Variants in GRIK1 observed in about 807,000 individuals in gnomAD.
GRIK1 encodes glutamate ionotropic receptor kainate type subunit 1.
In GRIK1, 69 loss-of-function variants were observed where a neutral mutation model predicts 105.7. That is an observed-to-expected ratio of 0.65 (90% CI 0.54 to 0.80). The LOEUF (loss-of-function observed/expected upper bound fraction) is 0.80, where lower values mean the gene tolerates loss of function less well. Ranked by LOEUF, GRIK1 falls within the 30% of genes least tolerant of loss-of-function variation. The pLI, the probability that GRIK1 is intolerant of heterozygous loss-of-function variation, is 0.00. For synonymous variants in GRIK1, 438 were observed against 431.3 expected (o/e 1.02, Z -0.19); for missense variants, 1,109 against 1,167.3 (o/e 0.95, Z 0.73).
At chr21:29,725,936 G>T (rs1304381658) in intron 1 of GRIK1, among the ~76,000 whole-genome samples, 2 of 152,130 alleles carry the variant, frequency 1.3e-5, no homozygotes, top group African/African-American at 4.8e-5. Context: ...GTTCCCAAAG[G>T]TATCTTACAA....
intron 7 of GRIK1, among the ~76,000 whole-genome samples, chr21:29,623,150 A>G (rs2062044713): frequency 6.6e-6 from 1 of 152,216 alleles, no homozygotes; most frequent in Non-Finnish European, 1.5e-5. Flanking sequence ...AAGCCTCACA[A>G]TCATGGCAGA....
chr21:29,537,619 A>G lies in GRIK1; in HGVS notation c.2694+179T>C, dbSNP rs1371042192. The G allele has an allele frequency of 8.7e-6, 6 of 692,920 alleles. No homozygotes were observed. In the East Asian group the frequency reaches 1.3e-4, roughly 14 times the overall value. The allele number at this position is 692,920 out of a possible 1,614,324, so 42.9% of individuals were successfully genotyped here. On this transcript the variant is annotated intron_variant, in intron 17 of 17. Transcript: ENST00000327783. ...ACTTTGGGATTTCATTCACAAATGC[A>G]GTAGTATAAAACTACCCAGTTAAAG...
chr21:29,809,250 T>A (rs1470464168), intron 1 of GRIK1, among the ~76,000 whole-genome samples: 2 of 152,178 alleles, frequency 1.3e-5, no homozygotes, highest in South Asian at 2.1e-4. Context: ...TGGGGTCGGT[T>A]CAGACCACTG....
chr21:29,772,157 C>T (rs940605723), intron 1 of GRIK1, among the ~76,000 whole-genome samples: 2 of 151,916 alleles, frequency 1.3e-5, no homozygotes, highest in African/African-American at 4.8e-5. Context: ...TTGAATCTTT[C>T]GAAATGGAAA....
intron 4 of GRIK1, among the ~76,000 whole-genome samples, chr21:29,655,897 T>A (rs1444774718): frequency 6.6e-6 from 1 of 152,168 alleles, no homozygotes; most frequent in Non-Finnish European, 1.5e-5. Flanking sequence ...TTCATTGAAC[T>A]GTGATCTTAC....
At chr21:29,936,680 C>T (rs768671090) in intron 1 of GRIK1, among the ~76,000 whole-genome samples, 3 of 152,180 alleles carry the variant, frequency 2.0e-5, no homozygotes, top group Non-Finnish European at 2.9e-5. Context: ...ATAAACTTTC[C>T]AACAGACATT....
chr21:29,927,122 A>T (rs999844975), intron 1 of GRIK1, among the ~76,000 whole-genome samples: 4 of 152,164 alleles, frequency 2.6e-5, no homozygotes, highest in Non-Finnish European at 4.4e-5. Context: ...CACCACCAGC[A>T]CTCACAGACA....
intron 14 of GRIK1, among the ~76,000 whole-genome samples, chr21:29,572,562 C>A (rs565960316): frequency 1.3e-5 from 2 of 152,254 alleles, no homozygotes; most frequent in African/African-American, 4.8e-5. Context: ...GCTGGGCACT[C>A]TTTTAGATTC....
intron 1 of GRIK1, among the ~76,000 whole-genome samples, chr21:29,707,442 C>CCCTTCCTCCCTCCCTTCCTTCCTT (rs1337656885): frequency 3.0e-4 from 1 of 3,302 alleles, no homozygotes; most frequent in African/African-American, 5.4e-4. Context: ...CTCCCTCCCT[C>CCCTTCCTCCCTCCCTTCCTTCCTT]CCTCCCTCCC....
At chr21:29,847,107 A>G (rs2068147688) in intron 1 of GRIK1, among the ~76,000 whole-genome samples, 1 of 151,942 alleles carries the variant, frequency 6.6e-6, no homozygotes, top group African/African-American at 2.4e-5. Flanking sequence ...CTGTCCTTTA[A>G]TGAACCATTT....
At chr21:29,637,301 G>A (rs1302870924) in intron 7 of GRIK1, among the ~76,000 whole-genome samples, 1 of 152,178 alleles carries the variant, frequency 6.6e-6, no homozygotes, top group Non-Finnish European at 1.5e-5. Flanking sequence ...AGTGCTTGCT[G>A]CTACCACAGC....
At chr21:29,650,654 TC>T (rs2062713664) in intron 6 of GRIK1, among the ~76,000 whole-genome samples, 1 of 152,190 alleles carries the variant, frequency 6.6e-6, no homozygotes, top group Non-Finnish European at 1.5e-5. Flanking sequence ...CCTATACGCA[TC>T]CAGGACAGGA....
chr21:29,693,976 C>A lies in GRIK1; in HGVS notation c.206G>T (p.Arg69Leu), dbSNP rs1413824435. 6.2e-7 allele frequency: 1 copy of A among 1,611,286 alleles called. No individual in the cohort carries two copies. Among genetic ancestry groups the A allele is most frequent in the Admixed American group, 1.7e-5 (1 of 60,014 alleles). Residue 69 changes from arginine to leucine, a missense_variant, in exon 2 of 18, where the codon CGA becomes CTA. Arg to Leu is a moderately radical substitution (Grantham distance 102). Around this residue, in one of 5 missense-constraint regions of GRIK1, gnomAD observed 612 missense variants for 586.0 expected, o/e 1.04. Transcript: ENST00000327783. Reference protein sequence around the residue: ...KFAVTSINRNRTLMPNTTLTY... With the variant: ...KFAVTSINRNLTLMPNTTLTY... ...TAATGTGGTGTTAGGCATCAGGGTT[C>A]GGTTTCTGTTAATGCTGGTGACTGC...
chr21:29,848,340 C>A (rs994406807), intron 1 of GRIK1, among the ~76,000 whole-genome samples: 2 of 152,128 alleles, frequency 1.3e-5, no homozygotes, highest in African/African-American at 4.8e-5. Flanking sequence ...TCCCTTCATG[C>A]CCCTAATGAA....
chr21:29,689,087 A>G lies in GRIK1; in HGVS notation c.544+641T>C, dbSNP rs116199428. Among the ~76,000 whole-genome samples, 358 of 152,132 alleles carry G rather than the reference A, an allele frequency of 2.4e-3. 1 individual carries two copies. Among genetic ancestry groups the G allele is most frequent in the African/African-American group, 8.1e-3 (336 of 41,498 alleles). ...GGCCTGAATTTTTGAAAAATTCTGG[A>G]CAATAAGCAGAAAGCAGAGGGGGGT... On this transcript the variant is annotated intron_variant, in intron 3 of 17. Coordinates refer to ENST00000327783, the MANE Select transcript of GRIK1 (RefSeq NM_001330994.2).
intron 4 of GRIK1, among the ~76,000 whole-genome samples, chr21:29,660,169 T>C (rs363570): frequency 0.025 from 3,833 of 152,288 alleles, 159 homozygotes; most frequent in African/African-American, 0.087. Context: ...CATGACCTTG[T>C]TCACAGTAGT....
chr21:29,764,610 A>C (rs1006542571), intron 1 of GRIK1, among the ~76,000 whole-genome samples: 2 of 152,198 alleles, frequency 1.3e-5, no homozygotes, highest in Non-Finnish European at 2.9e-5. Context: ...TTGATGTCCA[A>C]ATTCCCCTAG....
intron 1 of GRIK1, among the ~76,000 whole-genome samples, chr21:29,798,807 C>T (rs1006732913): frequency 6.6e-6 from 1 of 152,180 alleles, no homozygotes; most frequent in East Asian, 1.9e-4. Context: ...ATTAATTCTC[C>T]TTAAACATTG....
chr21:29,652,204 A>C (rs1184948327), intron 5 of GRIK1, among the ~76,000 whole-genome samples: 1 of 152,164 alleles, frequency 6.6e-6, no homozygotes, highest in Non-Finnish European at 1.5e-5. Context: ...TGGTGATGTG[A>C]TCAGAACAAG....
Sources: gnomAD v4.1 joint callset for allele counts (sites outside exome capture counted in the v4.1 genomes callset) on GRCh38, gnomAD v4.1.1 for gene constraint, gnomAD v4.1.1 regional missense constraint, MANE v1.5 for transcripts, NCBI Gene and HGNC (gene_info 2026-07-23, HGNC 2026-07-21) for gene names.